The following CAPN3 variants were observed in gnomAD, a reference collection of about 807,000 sequenced individuals.
The protein encoded by CAPN3 is calpain 3, also known as calpain-3.
Under a neutral mutation model 114.0 loss-of-function variants are expected in CAPN3, and 88 were observed. The ratio of observed to expected loss-of-function variants is 0.77; its 90% CI spans 0.65 to 0.92. The LOEUF is 0.92. CAPN3 is among the 40% of genes least tolerant of loss of function. The pLI is 0.00. For synonymous variants in CAPN3, 386 were observed against 382.9 expected (o/e 1.01, Z -0.09); for missense variants, 1,028 against 1,069.0 (o/e 0.96, Z 0.53).
intron 1 of CAPN3, among the ~76,000 whole-genome samples, chr15:42,376,614 C>T (rs1268003497): frequency 2.6e-5 from 4 of 151,634 alleles, no homozygotes; most frequent in Non-Finnish European, 5.9e-5. Context: ...ATGTGTATCT[C>T]CTGCCCCAAT....
At chr15:42,382,212 T>G (rs1254103124) in intron 1 of CAPN3, among the ~76,000 whole-genome samples, 1 of 150,988 alleles carries the variant, frequency 6.6e-6, no homozygotes, top group African/African-American at 2.4e-5. Context: ...CAAACAATGT[T>G]TTTTTTTTTC....
chr15:42,386,046 A>T (rs2053394831), intron 2 of CAPN3, 121 bp from the exon 3 acceptor site: 1 of 777,496 alleles, frequency 1.3e-6, no homozygotes, highest in Non-Finnish European at 2.3e-6. Context: ...ATCTGGAAGT[A>T]GGAGAGTGGG....
At chr15:42,410,315 G>T in intron 19 of CAPN3, 113 bp from the exon 20 acceptor site, 1 of 972,490 alleles carries the variant, frequency 1.0e-6, no homozygotes, top group South Asian at 1.3e-5. Flanking sequence ...GGAGGGGAGG[G>T]TTAAATAGTA....
chr15:42,366,469 T>C (rs1447461638), intron 1 of CAPN3, among the ~76,000 whole-genome samples: 1 of 151,622 alleles, frequency 6.6e-6, no homozygotes, highest in Non-Finnish European at 1.5e-5. Flanking sequence ...GGGTAGATCT[T>C]CTTACTACTG....
In CAPN3 at chr15:42,408,384, T is replaced by C. The variant is rs1430665763; in HGVS notation, c.1914+60T>C. ...CACGCTACAGGGGCTTCCTATGCGC[T>C]TGGGATACACAGGGGCTGGAGGCTT... is the stretch of plus-strand genomic sequence containing the variant. On this transcript the variant is annotated intron_variant, in intron 16 of 23. Transcript: ENST00000397163. 3 of 1,052,118 alleles carry C rather than the reference T, an allele frequency of 2.9e-6. 1 individual carries two copies. Among genetic ancestry groups the C allele is most frequent in the South Asian group, 2.5e-5 (2 of 78,818 alleles). 65.2% of individuals were successfully genotyped at this position (1,052,118 alleles called of 1,614,324 possible). A position where few individuals can be genotyped will look rare whatever the true frequency, so the allele number is the denominator to read the frequency against.
intron 19 of CAPN3, 77 bp from the exon 20 acceptor site, chr15:42,410,351 C>T (rs764232895): frequency 3.8e-5 from 49 of 1,306,472 alleles, no homozygotes; most frequent in Admixed American, 3.0e-4. Context: ...TAGGACAGCC[C>T]GGAGTCTCCT....
In CAPN3 at chr15:42,387,281, T is replaced by TGAA. The variant is rs28364408; in HGVS notation, c.499-471_499-470insAAG. ...TTCCTGCTACAGCTAGAATAGATTC[T>TGAA]GGGTCACTTTGTTCCTCCGTTTCAA... On this transcript the variant is annotated intron_variant, in intron 3 of 23. Coordinates refer to ENST00000397163, the MANE Select transcript of CAPN3 (RefSeq NM_000070.3). 4.8e-3 allele frequency among the ~76,000 whole-genome samples: 725 copies of TGAA among 152,344 alleles called. 1 individual carries two copies. The highest frequency in any genetic ancestry group is 7.4e-3 in the Admixed American group (114 of 15,306).
At chr15:42,371,116 G>A (rs934854936) in intron 1 of CAPN3, among the ~76,000 whole-genome samples, 3 of 152,124 alleles carry the variant, frequency 2.0e-5, no homozygotes, top group African/African-American at 7.2e-5. Flanking sequence ...AATGATGATA[G>A]TAACTGAAAG....
chr15:42,381,155 C>T (rs1391546566), intron 1 of CAPN3, among the ~76,000 whole-genome samples: 1 of 151,976 alleles, frequency 6.6e-6, no homozygotes, highest in Admixed American at 6.6e-5. Flanking sequence ...CTAAGTTACC[C>T]TTTAGATTAA....
intron 1 of CAPN3, among the ~76,000 whole-genome samples, chr15:42,365,743 T>C (rs2052762197): frequency 6.6e-6 from 1 of 152,186 alleles, no homozygotes; most frequent in South Asian, 2.1e-4. Context: ...CCCATATCCA[T>C]CTGTGCTTTG....
chr15:42,381,564 A>AC (rs1161542732), intron 1 of CAPN3, among the ~76,000 whole-genome samples: 3 of 152,140 alleles, frequency 2.0e-5, no homozygotes, highest in Non-Finnish European at 2.9e-5. Context: ...TTTCTGAGAC[A>AC]GAGTCTCACT....
intron 1 of CAPN3, among the ~76,000 whole-genome samples, chr15:42,380,900 C>G (rs966858001): frequency 6.6e-6 from 1 of 151,044 alleles, no homozygotes; most frequent in African/African-American, 2.4e-5. Flanking sequence ...CTTATCTCCT[C>G]TCTTGGTGTA....
At position 42,387,901 on chromosome 15, in the gene CAPN3, A is replaced by T; in HGVS notation, c.632+15A>T. 6.2e-7 allele frequency: 1 copy of T among 1,614,174 alleles called. No individual in the cohort carries two copies. The highest frequency in any genetic ancestry group is 1.1e-5 in the South Asian group (1 of 91,080). On this transcript the variant is annotated intron_variant, in intron 4 of 23. Transcript: ENST00000397163. ...GCTTATGCTAAGTAAGCAACACTTTAGAATGTGAGGTGGGGCTAGAGGTGA... is the reference window on the plus strand; with the variant it reads ...GCTTATGCTAAGTAAGCAACACTTTTGAATGTGAGGTGGGGCTAGAGGTGA...
At chr15:42,369,423 G>A (rs1263680647) in intron 1 of CAPN3, among the ~76,000 whole-genome samples, 10 of 152,036 alleles carry the variant, frequency 6.6e-5, no homozygotes, top group Non-Finnish European at 1.3e-4. Flanking sequence ...GATCACTTGA[G>A]CTACGGAGGT....
intron 13 of CAPN3, 75 bp from the exon 14 acceptor site, chr15:42,403,666 C>T: frequency 2.8e-6 from 4 of 1,407,254 alleles, no homozygotes; most frequent in South Asian, 2.3e-5. Context: ...AAGCCGTGCA[C>T]CAGAGCAAAC....
chr15:42,360,816 A>G (rs2141104540), intron 1 of CAPN3, among the ~76,000 whole-genome samples: 1 of 152,352 alleles, frequency 6.6e-6, no homozygotes, highest in East Asian at 1.9e-4. Context: ...TTTCATTTAC[A>G]GTGATCGCCA....
chr15:42,384,342 G>C (rs1237150859), intron 1 of CAPN3, 141 bp from the exon 2 acceptor site: 1 of 691,844 alleles, frequency 1.4e-6, no homozygotes, highest in Non-Finnish European at 2.7e-6. Context: ...AACCCCGGAG[G>C]CAGAGGTTTC....
At chr15:42,379,273 T>C (rs2053174840) in intron 1 of CAPN3, among the ~76,000 whole-genome samples, 1 of 151,900 alleles carries the variant, frequency 6.6e-6, no homozygotes, top group Non-Finnish European at 1.5e-5. Flanking sequence ...ATCGCACCAC[T>C]GCACTCCAGC....
At chr15:42,379,766 C>T (rs1207834511) in intron 1 of CAPN3, among the ~76,000 whole-genome samples, 1 of 152,178 alleles carries the variant, frequency 6.6e-6, no homozygotes, top group East Asian at 1.9e-4. Context: ...CTCCAACTTT[C>T]TTTTGATTAT....
Sources: allele counts gnomAD v4.1 joint callset (sites outside exome capture counted in the v4.1 genomes callset), GRCh38; gene constraint gnomAD v4.1.1; transcripts MANE v1.5; gene names NCBI Gene and HGNC (gene_info 2026-07-23, HGNC 2026-07-21).